Variants in ARHGAP44 observed in about 807,000 individuals in gnomAD.
The protein encoded by ARHGAP44 is Rho GTPase activating protein 44, also known as rho GTPase-activating protein 44.
Under a neutral mutation model 106.8 loss-of-function variants are expected in ARHGAP44, and 43 were observed. The ratio of observed to expected loss-of-function variants is 0.40; its 90% confidence interval spans 0.32 to 0.52. The LOEUF (loss-of-function observed/expected upper bound fraction) is 0.52, where lower values mean the gene tolerates loss of function less well. Among genes scored for constraint, ARHGAP44 ranks in the 20% least tolerant of loss-of-function variants. The probability of loss-of-function intolerance (pLI) is 0.48; values close to 1 mark genes in which losing one functional copy is unlikely to be tolerated. For synonymous variants in ARHGAP44, 439 were observed against 410.3 expected, an observed-to-expected ratio of 1.07 and a Z score of -0.85; for missense variants, 866 against 1,050.5, an observed-to-expected ratio of 0.82 and a Z score of 2.43.
rs112920406 is a variant in ARHGAP44 at position 12,849,214 on chromosome 17, C to CGTGTGTGTGTGT, written c.54-45718_54-45707dup. 4.4e-3 allele frequency among the ~76,000 whole-genome samples: 659 copies of CGTGTGTGTGTGT among 149,276 alleles called. 23 individuals are homozygous for CGTGTGTGTGTGT. The East Asian group carries it at 0.065, about 15-fold the overall frequency. On this transcript the variant is annotated intron_variant, in intron 1 of 20. Coordinates refer to ENST00000379672, the MANE Select transcript of ARHGAP44 (RefSeq NM_014859.6). ...GCCAGAGATCTTAAACTGAGGTGGG[C>CGTGTGTGTGTGT]GTGTGTGTGTGTGTGTGTGCGCACA...
In ARHGAP44 at chr17:12,789,561, C is replaced by A. The variant is rs1249851561; in HGVS notation, c.-278C>A. The stretch of plus-strand genomic sequence containing the variant: ...TGGGACTGGGAGCAGGCAGCCCGGG[C>A]GGAGCGGGCCGGTGCCGAGGACGGC... On this transcript the variant is annotated 5_prime_UTR_variant, in exon 1 of 21. Transcript: ENST00000379672. The A allele has an allele frequency of 2.6e-5, 6 of 229,656 alleles. No individual in the cohort carries two copies. The highest frequency in any genetic ancestry group is 5.1e-5 in the Non-Finnish European group (6 of 118,788). The allele number at this position is 229,656 out of a possible 1,614,324, so 14.2% of individuals were successfully genotyped here.
Position 12,984,857 on chromosome 17 carries a change from A to G in ARHGAP44, c.2266A>G (p.Thr756Ala), listed in dbSNP as rs1432440522. The G allele has an allele frequency of 5.6e-6, 9 of 1,613,910 alleles. No individual in the cohort carries two copies. In the South Asian group the frequency reaches 8.8e-5, roughly 16 times the overall value. ...CCTCTCGGCCTCTAGTCCACAGTCC[A>G]CGGAGGCCCCCATGCTAGATGGCAT... ...VNLSASSPQS[T>A]EAPMLDGMSP... Residue 756 changes from threonine (T) to alanine (A), a missense_variant, in exon 20 of 21, where the codon ACG becomes GCG. By Grantham distance (58) the Thr-to-Ala change is moderately conservative. Coordinates refer to ENST00000379672, the MANE Select transcript of ARHGAP44 (RefSeq NM_014859.6).
intron 7 of ARHGAP44, among the ~76,000 whole-genome samples, chr17:12,939,121 A>G (rs2038634812): frequency 6.6e-6 from 1 of 152,212 alleles, no homozygotes. Flanking sequence ...GAAGACAGAC[A>G]GGGTTGATTC....
At chr17:12,861,994 A>G (rs1242243837) in intron 1 of ARHGAP44, among the ~76,000 whole-genome samples, 2 of 151,696 alleles carry the variant, frequency 1.3e-5, no homozygotes, top group South Asian at 4.2e-4. Flanking sequence ...TCATCTGCAG[A>G]CTCTGCTTAT....
At chr17:12,854,421 A>G (rs1444174868) in intron 1 of ARHGAP44, among the ~76,000 whole-genome samples, 1 of 152,176 alleles carries the variant, frequency 6.6e-6, no homozygotes, top group Non-Finnish European at 1.5e-5. Context: ...TATGACAGGT[A>G]TGCAGAAAGA....
At chr17:12,950,201 C>T (rs945403720) in intron 12 of ARHGAP44, among the ~76,000 whole-genome samples, 1 of 152,176 alleles carries the variant, frequency 6.6e-6, no homozygotes, top group South Asian at 2.1e-4. Context: ...GAAGGGCTCA[C>T]GTAGGCTGAC....
intron 1 of ARHGAP44, among the ~76,000 whole-genome samples, chr17:12,855,653 A>T (rs2150856831): frequency 6.6e-6 from 1 of 152,298 alleles, no homozygotes; most frequent in East Asian, 1.9e-4. Flanking sequence ...CAATGGACCC[A>T]GTTATATTTA....
rs149193384 is a variant in ARHGAP44, at chr17:12,870,915, A to G, written c.54-24025A>G. Among the ~76,000 whole-genome samples, 21 of 149,376 alleles carry G rather than the reference A, an allele frequency of 1.4e-4. 1 individual carries two copies. Among genetic ancestry groups the G allele is most frequent in the African/African-American group, 4.9e-4 (20 of 40,560 alleles). On this transcript the variant is annotated intron_variant, in intron 1 of 20. Transcript: ENST00000379672. ...GAGCATTAAGGAATGGGACTCTTCT[A>G]CTCTTTTCTTTCCTTCTCTACTTTT... is the stretch of plus-strand genomic sequence containing the variant.
At chr17:12,966,582 T>C (rs537993152) in intron 16 of ARHGAP44, among the ~76,000 whole-genome samples, 1 of 152,326 alleles carries the variant, frequency 6.6e-6, no homozygotes, top group East Asian at 1.9e-4. Context: ...ACCTTTGCTG[T>C]CCGGGACATC....
At chr17:12,920,016 G>A (rs940052889) in intron 6 of ARHGAP44, among the ~76,000 whole-genome samples, 185 bp downstream of exon 6, 6 of 152,142 alleles carry the variant, frequency 3.9e-5, no homozygotes, top group Non-Finnish European at 8.8e-5. Flanking sequence ...CATGAAGGCT[G>A]CAGTTGAGTT....
intron 1 of ARHGAP44, among the ~76,000 whole-genome samples, chr17:12,795,069 T>G (rs1009560875): frequency 2.0e-5 from 3 of 152,196 alleles, no homozygotes; most frequent in African/African-American, 7.2e-5. Flanking sequence ...TCCCTTACTG[T>G]GAGTTAGACC....
rs746897027 is a variant in ARHGAP44 at position 12,974,230 on chromosome 17, G to A, written c.1683G>A (p.Pro561=). 16 of 1,545,726 alleles carry A rather than the reference G, an allele frequency of 1.0e-5. No homozygotes were observed. The highest frequency in any genetic ancestry group is 1.3e-5 in the Non-Finnish European group (15 of 1,145,366). ...CTGCGCCCCTGCCTTCGCCGCTGCC[G>A]GAGCAGCCCCTGGACAGCCCCGCGG... ...ELAAPLPSPL[P]EQPLDSPAAP... is the part of the protein sequence containing the mutation. The change falls in exon 18 of 21, where the codon CCG becomes CCA. Residue 561 remains proline (P), a synonymous_variant. Coordinates refer to ENST00000379672, the MANE Select transcript of ARHGAP44 (RefSeq NM_014859.6).
intron 1 of ARHGAP44, among the ~76,000 whole-genome samples, chr17:12,850,426 T>C (rs182222802): frequency 2.0e-5 from 3 of 149,398 alleles, no homozygotes; most frequent in African/African-American, 7.6e-5. Flanking sequence ...CATTGGCTCA[T>C]AAGGGATCCT....
intron 1 of ARHGAP44, among the ~76,000 whole-genome samples, chr17:12,891,798 G>T (rs866570565): frequency 2.3e-3 from 332 of 142,620 alleles, no homozygotes; most frequent in South Asian, 0.011. Flanking sequence ...CATTTTTGGG[G>T]TTTTTTTTTT....
intron 1 of ARHGAP44, among the ~76,000 whole-genome samples, chr17:12,845,078 C>T (rs941225926): frequency 6.6e-6 from 1 of 152,154 alleles, no homozygotes; most frequent in African/African-American, 2.4e-5. Context: ...TAGAAGATTG[C>T]CAACTAAAGA....
chr17:12,940,991 C>T, intron 7 of ARHGAP44, 65 bp from the exon 8 acceptor site: 2 of 1,404,294 alleles, frequency 1.4e-6, no homozygotes, highest in East Asian at 2.3e-5. Flanking sequence ...GATGTGTTGA[C>T]TTATGCATTA....
chr17:12,983,672 T>C (rs538954915), intron 19 of ARHGAP44, among the ~76,000 whole-genome samples: 24 of 151,544 alleles, frequency 1.6e-4, no homozygotes, highest in African/African-American at 5.6e-4. Flanking sequence ...GGCGTGGTGG[T>C]GGGCGCCTGT....
At chr17:12,954,715 G>A (rs1413083620) in intron 13 of ARHGAP44, among the ~76,000 whole-genome samples, 1 of 152,186 alleles carries the variant, frequency 6.6e-6, no homozygotes, top group Non-Finnish European at 1.5e-5. Flanking sequence ...TCTTCTCGGG[G>A]TCCTGGGGCC....
In ARHGAP44 at chr17:12,919,757, G is replaced by C. The variant is rs1255440730; in HGVS notation, c.390G>C (p.Val130=). 6.2e-7 allele frequency: 1 copy of C among 1,611,304 alleles called. No individual in the cohort carries two copies. The highest frequency in any genetic ancestry group is 1.3e-5 in the African/African-American group (1 of 74,854). ...VIEPLFLLAE[V]EIPNIQKQRK... ...TCTTTTATGTTGTGTAACCACAGGT[G>C]GAAATCCCAAATATTCAAAAGCAGA... Residue 130 remains valine (V), a splice_region_variant and synonymous_variant, in exon 6 of 21, where the codon GTG becomes GTC. Coordinates refer to ENST00000379672, the MANE Select transcript of ARHGAP44 (RefSeq NM_014859.6).
Sources: gnomAD v4.1 joint callset for allele counts (sites outside exome capture counted in the v4.1 genomes callset) on GRCh38, gnomAD v4.1.1 for gene constraint, MANE v1.5 for transcripts, NCBI Gene and HGNC (gene_info 2026-07-23, HGNC 2026-07-21) for gene names.